Variants in ADAMTSL1 observed in about 807,000 individuals in gnomAD.
ADAMTSL1 encodes ADAMTS-like protein 1.
Under a neutral mutation model 201.8 loss-of-function variants are expected in ADAMTSL1, and 126 were observed. The ratio of observed to expected loss-of-function variants is 0.62; its 90% CI spans 0.54 to 0.72. The LOEUF is 0.72. Among genes scored for constraint, ADAMTSL1 ranks in the 30% least tolerant of loss-of-function variants. The probability of loss-of-function intolerance (pLI) is 0.00; values close to 1 mark genes in which losing one functional copy is unlikely to be tolerated. For missense variants in ADAMTSL1, 2,679 were observed against 2,277.8 expected, an observed-to-expected ratio of 1.18 and a Z score of -3.59; for synonymous variants, 1,121 against 903.4, an observed-to-expected ratio of 1.24 and a Z score of -4.32.
chr9:18,419,104 C>T (rs1818823782), intron 2 of ADAMTSL1, among the ~76,000 whole-genome samples: 1 of 151,664 alleles, frequency 6.6e-6, no homozygotes. Context: ...GTCTTTTTAA[C>T]AAATCATGTT....
At chr9:17,994,169 G>T (rs893053853) in intron 1 of ADAMTSL1, among the ~76,000 whole-genome samples, 8 of 151,784 alleles carry the variant, frequency 5.3e-5, no homozygotes, top group Non-Finnish European at 1.0e-4. Flanking sequence ...AACCACTTGT[G>T]CATCAAAGGC....
intron 17 of ADAMTSL1, among the ~76,000 whole-genome samples, chr9:18,775,280 G>A (rs1209578310): frequency 1.3e-5 from 2 of 152,160 alleles, no homozygotes; most frequent in Admixed American, 1.3e-4. Flanking sequence ...CCTAATGCTT[G>A]ACACTAAAAT....
intron 5 of ADAMTSL1, among the ~76,000 whole-genome samples, chr9:18,630,043 C>G (rs1439748429): frequency 6.6e-6 from 1 of 152,006 alleles, no homozygotes; most frequent in Non-Finnish European, 1.5e-5. Flanking sequence ...CCAGACATTA[C>G]AAATTTTACT....
chr9:18,170,355 A>G (rs1334131138), intron 2 of ADAMTSL1, among the ~76,000 whole-genome samples: 1 of 152,086 alleles, frequency 6.6e-6, no homozygotes, highest in Admixed American at 6.6e-5. Context: ...TATTTCTCAG[A>G]ACAACCTGAG....
intron 2 of ADAMTSL1, among the ~76,000 whole-genome samples, chr9:18,520,532 C>A (rs1818629260): frequency 6.6e-6 from 1 of 152,194 alleles, no homozygotes; most frequent in Non-Finnish European, 1.5e-5. Flanking sequence ...ATTTTTCAAT[C>A]TGGACCTTCA....
At chr9:18,315,017 C>T (rs897902644) in intron 2 of ADAMTSL1, among the ~76,000 whole-genome samples, 19 of 148,752 alleles carry the variant, frequency 1.3e-4, no homozygotes, top group Admixed American at 5.3e-4. Flanking sequence ...AGGATGGTCT[C>T]GATCTCCTGA....
intron 19 of ADAMTSL1, among the ~76,000 whole-genome samples, chr9:18,779,394 CA>C (rs781666795): frequency 6.6e-6 from 1 of 152,160 alleles, no homozygotes; most frequent in Non-Finnish European, 1.5e-5. Context: ...CTTTGTGCTC[CA>C]ACTGTATGCC....
chr9:18,148,846 T>C (rs1365942175), intron 1 of ADAMTSL1, among the ~76,000 whole-genome samples: 2 of 152,108 alleles, frequency 1.3e-5, no homozygotes, highest in Non-Finnish European at 2.9e-5. Context: ...TTTGCCTAGA[T>C]TCTAGTTGAT....
At chr9:18,056,688 C>CT (rs1398632162) in intron 1 of ADAMTSL1, among the ~76,000 whole-genome samples, 1 of 152,200 alleles carries the variant, frequency 6.6e-6, no homozygotes. Context: ...AAAGAGGAAT[C>CT]TTAAGTGCAC....
Position 18,113,527 on chromosome 9 carries a change from A to G in ADAMTSL1, c.88-50335A>G, listed in dbSNP as rs186882549. Among the ~76,000 whole-genome samples, 340 of 152,236 alleles carry G rather than the reference A, an allele frequency of 2.2e-3. 14 individuals are homozygous for G. The highest frequency in any genetic ancestry group is 0.022 in the Admixed American group (340 of 15,266). On this transcript the variant is annotated intron_variant, in intron 1 of 29. Coordinates refer to the ADAMTSL1 transcript ENST00000680146. ...CCACTTCTTGAGCTAGAGCAGAAAGAAAAAAGCATTACGAGAGCTTCTAGA... is the reference window on the plus strand; with the variant it reads ...CCACTTCTTGAGCTAGAGCAGAAAGGAAAAAGCATTACGAGAGCTTCTAGA...
chr9:18,056,417 T>C (rs1411242), intron 1 of ADAMTSL1, among the ~76,000 whole-genome samples: 95,547 of 151,842 alleles, frequency 0.63, 30,375 homozygotes, highest in African/African-American at 0.71. Context: ...ACCGGGGCTC[T>C]GCACAGCAGC....
In ADAMTSL1 at chr9:18,822,295, C is replaced by T. The variant is rs574963966; in HGVS notation, c.3935-3989C>T. ...CCCGCAACCTGACCAAGCTTCTCAA[C>T]AAGAAAGAGCTAAAAAGCCAGAACA... On this transcript the variant is annotated intron_variant, in intron 21 of 28. Coordinates refer to ENST00000380548, the MANE Select transcript of ADAMTSL1 (RefSeq NM_001040272.6). 1.2e-4 allele frequency among the ~76,000 whole-genome samples: 19 copies of T among 152,264 alleles called. 1 individual carries two copies. The highest frequency in any genetic ancestry group is 3.4e-3 in the Middle Eastern group (1 of 294).
intron 2 of ADAMTSL1, among the ~76,000 whole-genome samples, chr9:18,201,125 A>G (rs1015270117): frequency 6.6e-6 from 1 of 152,090 alleles, no homozygotes; most frequent in African/African-American, 2.4e-5. Context: ...TCAGTTTTTT[A>G]CTGAAAGCAT....
At position 18,222,534 on chromosome 9, in the gene ADAMTSL1, A is replaced by G. The variant is rs184048713; in HGVS notation, c.207+58553A>G. 3.3e-5 allele frequency among the ~76,000 whole-genome samples: 5 copies of G among 151,520 alleles called. No individual in the cohort carries two copies. In the East Asian group the frequency reaches 9.7e-4, roughly 29 times the overall value. On this transcript the variant is annotated intron_variant, in intron 2 of 29. Coordinates refer to the ADAMTSL1 transcript ENST00000680146. Reference sequence around the variant, plus strand: ...TCAATCATCTTTTCCCAGTTTGCTTACTGTTTTTGTTTAGGATTTTAGTCC... The same window carrying G: ...TCAATCATCTTTTCCCAGTTTGCTTGCTGTTTTTGTTTAGGATTTTAGTCC...
intron 23 of ADAMTSL1, among the ~76,000 whole-genome samples, chr9:18,852,273 C>T (rs1826544494): frequency 1.3e-5 from 2 of 152,172 alleles, no homozygotes; most frequent in Non-Finnish European, 1.5e-5. Flanking sequence ...AAAATGGAGG[C>T]AATAACTGCA....
intron 2 of ADAMTSL1, among the ~76,000 whole-genome samples, chr9:18,382,196 G>T (rs941031781): frequency 6.6e-6 from 1 of 152,142 alleles, no homozygotes; most frequent in African/African-American, 2.4e-5. Context: ...GTGATTATGT[G>T]TGTGTTTTCT....
chr9:17,942,612 C>T (rs1012702500), intron 1 of ADAMTSL1, among the ~76,000 whole-genome samples: 3 of 152,124 alleles, frequency 2.0e-5, no homozygotes, highest in Non-Finnish European at 4.4e-5. Context: ...TTGGCCTGCA[C>T]CAAAATATCA....
intron 13 of ADAMTSL1, among the ~76,000 whole-genome samples, chr9:18,696,073 A>G (rs1831528685): frequency 6.6e-6 from 1 of 152,214 alleles, no homozygotes; most frequent in African/African-American, 2.4e-5. Context: ...GCTCACTATC[A>G]CAAGAACAGC....
intron 17 of ADAMTSL1, among the ~76,000 whole-genome samples, chr9:18,772,996 T>C (rs1054466571): frequency 6.6e-6 from 1 of 152,228 alleles, no homozygotes; most frequent in African/African-American, 2.4e-5. Context: ...AAACTCAAAC[T>C]GGTGCCATAT....
Sources: allele counts gnomAD v4.1 joint callset (sites outside exome capture counted in the v4.1 genomes callset), GRCh38; gene constraint gnomAD v4.1.1; transcripts MANE v1.5; gene names NCBI Gene and HGNC (gene_info 2026-07-23, HGNC 2026-07-21).